The following ZNF331 variants were observed in gnomAD, a reference collection of about 807,000 sequenced individuals.
The protein encoded by ZNF331 is C2H2-like zinc finger protein rearranged in thyroid adenomas.
ZNF331 carries 2 observed loss-of-function variants against 7.0 expected under a neutral mutation model. The ratio of observed to expected loss-of-function variants is 0.29; its 90% CI spans 0.12 to 0.90. ZNF331 has a LOEUF of 0.90. ZNF331 is among the 40% of genes least tolerant of loss of function. The pLI, the probability that ZNF331 is intolerant of heterozygous loss-of-function variation, is 0.58. For missense variants in ZNF331, 432 were observed against 587.7 expected (o/e 0.74, Z 2.74); for synonymous variants, 196 against 205.4 (o/e 0.95, Z 0.39).
At chr19:53,506,160 CCTGTCT>C in the ZNF331 span, among the ~76,000 whole-genome samples, 1 of 150,722 alleles carries the variant, frequency 6.6e-6, no homozygotes, top group Non-Finnish European at 1.5e-5. Context: ...ATGGGGAAAC[CCTGTCT>C]CTACTAAAAA....
At chr19:53,572,196 G>A (rs780471103) in intron 5 of ZNF331, among the ~76,000 whole-genome samples, 30 of 152,122 alleles carry the variant, frequency 2.0e-4, no homozygotes, top group Non-Finnish European at 3.7e-4. Flanking sequence ...CAAAGTGGGC[G>A]TATTTCATTT....
the ZNF331 span, chr19:53,512,243 C>A: frequency 6.5e-6 from 1 of 153,624 alleles, no homozygotes; most frequent in South Asian, 1.8e-4. Context: ...AGAAGCCACC[C>A]TCAGCAGGGA....
chr19:53,509,102 G>A, the ZNF331 span, among the ~76,000 whole-genome samples: 4 of 152,248 alleles, frequency 2.6e-5, no homozygotes, highest in Admixed American at 2.6e-4. Context: ...CCAGATGACA[G>A]GGCAGGTGCT....
intron 2 of ZNF331, among the ~76,000 whole-genome samples, chr19:53,551,362 A>C (rs1414312466): frequency 6.6e-6 from 1 of 152,186 alleles, no homozygotes; most frequent in African/African-American, 2.4e-5. Context: ...GGAACATTAA[A>C]TCCTTCTAAT....
At chr19:53,516,320 C>T (rs750302459), upstream of ZNF331, among the ~76,000 whole-genome samples, 9 of 151,892 alleles carry the variant, frequency 5.9e-5, no homozygotes, top group South Asian at 2.1e-4. Context: ...GCATGGGGTG[C>T]GTGCCTTTAA....
chr19:53,551,811 G>A (rs2089029292), intron 2 of ZNF331, among the ~76,000 whole-genome samples: 2 of 152,164 alleles, frequency 1.3e-5, no homozygotes, highest in Admixed American at 1.3e-4. Flanking sequence ...AAAATGTACA[G>A]GAGGATGTGG....
chr19:53,540,629 C>T (rs1350524378), intron 2 of ZNF331, among the ~76,000 whole-genome samples: 2 of 152,114 alleles, frequency 1.3e-5, no homozygotes, highest in Non-Finnish European at 2.9e-5. Flanking sequence ...AACAGGGTTT[C>T]TCCTTGTTGA....
At position 53,571,165 on chromosome 19, in the gene ZNF331, G is replaced by A. The variant is rs1179032425; in HGVS notation, c.10-439G>A. 1.3e-5 allele frequency among the ~76,000 whole-genome samples: 2 copies of A among 152,034 alleles called. No individual in the cohort carries two copies. The highest frequency in any genetic ancestry group is 4.8e-5 in the African/African-American group (2 of 41,406). On this transcript the variant is annotated intron_variant, in intron 4 of 5. Transcript: ENST00000449416. The surrounding 1 kb of genome is among the most constrained non-coding windows in gnomAD (Gnocchi z 4.7). ...CAAAGTGTTGGGATTACAGGCGTGA[G>A]CCCCCCGCCCAGCCCCAGCAAACCC...
intron 2 of ZNF331, among the ~76,000 whole-genome samples, chr19:53,531,447 T>G (rs896027822): frequency 1.3e-5 from 2 of 152,170 alleles, no homozygotes; most frequent in Non-Finnish European, 2.9e-5. Flanking sequence ...AAGAATCTGA[T>G]GATATAGAAA....
the ZNF331 span, among the ~76,000 whole-genome samples, chr19:53,514,237 T>C: frequency 5.3e-5 from 8 of 152,106 alleles, no homozygotes; most frequent in African/African-American, 1.4e-4. Context: ...CCTGCTCTGT[T>C]GCCCAGGCTG....
intron 2 of ZNF331, among the ~76,000 whole-genome samples, chr19:53,545,000 AG>A (rs1364629612): frequency 6.6e-6 from 1 of 152,152 alleles, no homozygotes; most frequent in Non-Finnish European, 1.5e-5. Context: ...CTGGGATTAC[AG>A]GCATGAGCCA....
intron 2 of ZNF331, among the ~76,000 whole-genome samples, chr19:53,542,636 T>A (rs186758814): frequency 4.8e-4 from 73 of 152,358 alleles, no homozygotes; most frequent in African/African-American, 1.6e-3. Flanking sequence ...TGCAGAACAA[T>A]GTCTCTGTCC....
the ZNF331 span, among the ~76,000 whole-genome samples, chr19:53,506,274 G>T: frequency 8.7e-6 from 1 of 115,048 alleles, no homozygotes; most frequent in Non-Finnish European, 1.8e-5. Flanking sequence ...GGCGGAGCTT[G>T]CAGTGAGCGG....
In ZNF331 at chr19:53,578,071, T is replaced by G; in HGVS notation, c.*119T>G. On this transcript the variant is annotated 3_prime_UTR_variant, in exon 6 of 6. Transcript: ENST00000449416. The stretch of plus-strand genomic sequence containing the variant: ...GGAAAATTCCAGAAATAAAGAATTT[T>G]AAGTCTCAAATGGTGTGCCCTTCTG... The G allele has an allele frequency of 7.8e-7, 1 of 1,282,108 alleles. No homozygotes were observed. Among genetic ancestry groups the G allele is most frequent in the Non-Finnish European group, 1.0e-6 (1 of 956,136 alleles). The allele number at this position is 1,282,108 out of a possible 1,614,324, so 79.4% of individuals were successfully genotyped here.
upstream of ZNF331, among the ~76,000 whole-genome samples, chr19:53,517,158 G>A (rs1202297211): frequency 1.3e-5 from 2 of 151,970 alleles, no homozygotes; most frequent in East Asian, 1.9e-4. Context: ...ACTAGAAAAC[G>A]CGCACAACAG....
At chr19:53,545,182 T>C (rs553983207) in intron 2 of ZNF331, among the ~76,000 whole-genome samples, 26 of 152,332 alleles carry the variant, frequency 1.7e-4, no homozygotes, top group Non-Finnish European at 3.4e-4. Flanking sequence ...TGATCGCTCT[T>C]TCACATACAT....
chr19:53,570,538 T>TC (rs1332601457), intron 4 of ZNF331, among the ~76,000 whole-genome samples: 1 of 152,072 alleles, frequency 6.6e-6, no homozygotes, highest in African/African-American at 2.4e-5. Context: ...GTATTTTCTT[T>TC]TTTTTTTTCT....
At chr19:53,556,942 A>G (rs2089467244) in intron 3 of ZNF331, among the ~76,000 whole-genome samples, 1 of 142,154 alleles carries the variant, frequency 7.0e-6, no homozygotes, top group Non-Finnish European at 1.5e-5. Flanking sequence ...AGTAGCTGGG[A>G]CTACAGGTGT....
intron 2 of ZNF331, among the ~76,000 whole-genome samples, chr19:53,549,868 T>C (rs577490797): frequency 9.2e-5 from 14 of 152,296 alleles, no homozygotes; most frequent in African/African-American, 3.4e-4. Flanking sequence ...TTTCGTGATA[T>C]AAGTATTTAC....
Sources: gnomAD v4.1 joint callset for allele counts (sites outside exome capture counted in the v4.1 genomes callset) on GRCh38, gnomAD v4.1.1 for gene constraint, Gnocchi (gnomAD v3.1) non-coding constraint, MANE v1.5 for transcripts, NCBI Gene and HGNC (gene_info 2026-07-23, HGNC 2026-07-21) for gene names.